Variants in PRMT2 observed in about 807,000 individuals in gnomAD.
PRMT2 encodes protein arginine N-methyltransferase 2.
In PRMT2, 26 loss-of-function variants were observed where a neutral mutation model predicts 57.6. That is an observed-to-expected ratio of 0.45 (90% CI 0.33 to 0.63). The LOEUF (loss-of-function observed/expected upper bound fraction) is 0.63, where lower values mean the gene tolerates loss of function less well. Ranked by LOEUF, PRMT2 falls within the 20% of genes least tolerant of loss-of-function variation. The pLI, the probability that PRMT2 is intolerant of heterozygous loss-of-function variation, is 0.02. For synonymous variants in PRMT2, 219 were observed against 220.0 expected, an observed-to-expected ratio of 1.00 and a Z score of 0.04; for missense variants, 472 against 564.4, an observed-to-expected ratio of 0.84 and a Z score of 1.66.
Position 46,664,612 on chromosome 21 carries a change from G to A in PRMT2, c.*285G>A, listed in dbSNP as rs913881763. 9.5e-6 allele frequency: 5 copies of A among 524,682 alleles called. No homozygotes were observed. The Admixed American group carries it at 9.6e-5, about 10-fold the overall frequency. 32.5% of individuals were successfully genotyped at this position (524,682 alleles called of 1,614,324 possible). A position where few individuals can be genotyped will look rare whatever the true frequency, so the allele number is the denominator to read the frequency against. ...GTGGTGCCCACAGTGCCGACCCGTG[G>A]CTGGGTCGGAGCTCCATGTTCCTAA... is the stretch of plus-strand genomic sequence containing the variant. On this transcript the variant is annotated 3_prime_UTR_variant, in exon 12 of 12. Transcript: ENST00000355680.
intron 9 of PRMT2, 63 bp downstream of exon 9, chr21:46,661,025 G>A: frequency 6.6e-7 from 1 of 1,515,786 alleles, no homozygotes; most frequent in Non-Finnish European, 8.9e-7. Flanking sequence ...ACTCAGACCA[G>A]AGCCTGGCTT....
At chr21:46,641,123 C>CAAAAAA (rs55728457) in intron 3 of PRMT2, among the ~76,000 whole-genome samples, 6 of 104,596 alleles carry the variant, frequency 5.7e-5, no homozygotes, top group African/African-American at 7.7e-5. Flanking sequence ...GACCTCATCT[C>CAAAAAA]AAAAAAAAAA....
Position 46,664,599 on chromosome 21 carries a change from G to T in PRMT2, c.*272G>T, listed in dbSNP as rs993708983. 1.8e-5 allele frequency: 10 copies of T among 550,362 alleles called. No homozygotes were observed. The highest frequency in any genetic ancestry group is 3.1e-5 in the Admixed American group (1 of 32,096). 34.1% of individuals were successfully genotyped at this position (550,362 alleles called of 1,614,324 possible). On this transcript the variant is annotated 3_prime_UTR_variant, in exon 12 of 12. Transcript: ENST00000355680. The stretch of plus-strand genomic sequence containing the variant: ...CAGGTGTTCACCCGTGGTGCCCACA[G>T]TGCCGACCCGTGGCTGGGTCGGAGC...
At position 46,664,455 on chromosome 21, in the gene PRMT2, TC is replaced by T; in HGVS notation, c.*131del. 1 of 1,228,800 alleles carries T rather than the reference TC, an allele frequency of 8.1e-7. No homozygotes were observed. The highest frequency in any genetic ancestry group is 1.2e-6 in the Non-Finnish European group (1 of 845,328). 76.1% of individuals were successfully genotyped at this position (1,228,800 alleles called of 1,614,324 possible). A position where few individuals can be genotyped will look rare whatever the true frequency, so the allele number is the denominator to read the frequency against. ...TGAACATTCACTCCACATTGACCCCTCCCTAGCCTGGCAGGTGACGTCAGGG... is the reference window on the plus strand; with the variant it reads ...TGAACATTCACTCCACATTGACCCCTCCTAGCCTGGCAGGTGACGTCAGGG... On this transcript the variant is annotated 3_prime_UTR_variant, in exon 12 of 12. Transcript: ENST00000355680.
chr21:46,662,596 A>G (rs747250563), intron 10 of PRMT2, among the ~76,000 whole-genome samples: 4 of 151,924 alleles, frequency 2.6e-5, no homozygotes, highest in African/African-American at 4.8e-5. Context: ...GGCCAGTTAT[A>G]CCCATCCCCG....
chr21:46,645,624 TGTTA>T (rs1407379167), intron 5 of PRMT2, among the ~76,000 whole-genome samples: 1 of 152,146 alleles, frequency 6.6e-6, no homozygotes, highest in Non-Finnish European at 1.5e-5. Flanking sequence ...ATAAAAATGA[TGTTA>T]GTTGAAAGAA....
At chr21:46,639,648 G>A (rs2061235186) in intron 3 of PRMT2, among the ~76,000 whole-genome samples, 1 of 140,382 alleles carries the variant, frequency 7.1e-6, no homozygotes, top group Admixed American at 7.0e-5. Context: ...TGCTAATATA[G>A]CTGTACCAGC....
At position 46,660,868 on chromosome 21, in the gene PRMT2, A is replaced by G; in HGVS notation, c.866A>G (p.Lys289Arg). The G allele has an allele frequency of 6.2e-7, 1 of 1,613,920 alleles. No individual in the cohort carries two copies. The highest frequency in any genetic ancestry group is 8.5e-7 in the Non-Finnish European group (1 of 1,179,810). The change falls in exon 9 of 12, where the codon AAG (lysine) becomes AGG (arginine). Residue 289 changes from lysine to arginine, a missense_variant. By Grantham distance (26) the Lys-to-Arg change is conservative (BLOSUM62 2). Around this residue, in one of 2 missense-constraint regions of PRMT2, gnomAD observed 229 missense variants for 217.2 expected, o/e 1.05. Transcript: ENST00000355680. ...GTTAAGGAGTTTTTTTCAAAGCCCA[A>G]GTATAACCACATTTTGAAACCAGAA... ...LAVKEFFSKP[K>R]YNHILKPEDC... is the part of the protein sequence containing the mutation.
rs2061467760 is a variant in PRMT2, at chr21:46,652,042, A to G, written c.654+2303A>G. On this transcript the variant is annotated intron_variant, in intron 7 of 11. Transcript: ENST00000355680. ...TAGTAAAAGTCTGAAGACAGAGAAG[A>G]GTGCATGTGCGTTTAGCATAGGAGG... 2.5e-6 allele frequency: 4 copies of G among 1,612,118 alleles called. No homozygotes were observed. The African/African-American group carries it at 4.0e-5, about 16-fold the overall frequency.
rs1332884085 is a variant in PRMT2, at chr21:46,648,759, C to T, written c.489+140C>T. ...CCATGGTCTTGTTGAGCACCCTGCA[C>T]GTGGGGCTCAGGGTCGGTAAAATAG... On this transcript the variant is annotated intron_variant, in intron 6 of 11. Transcript: ENST00000355680. The surrounding 1 kb of genome is among the most constrained non-coding windows in gnomAD (Gnocchi z 4.8). 24 of 1,118,138 alleles carry T rather than the reference C, an allele frequency of 2.1e-5. No individual in the cohort carries two copies. The highest frequency in any genetic ancestry group is 2.8e-5 in the Non-Finnish European group (22 of 785,154). The allele number at this position is 1,118,138 out of a possible 1,614,324, so 69.3% of individuals were successfully genotyped here. A position where few individuals can be genotyped will look rare whatever the true frequency, so the allele number is the denominator to read the frequency against.
intron 5 of PRMT2, among the ~76,000 whole-genome samples, chr21:46,647,641 A>G (rs1339351105): frequency 6.6e-6 from 1 of 152,242 alleles, no homozygotes; most frequent in African/African-American, 2.4e-5. Context: ...CTGGGATTAC[A>G]GGGGTGAGGC....
Position 46,660,906 on chromosome 21 carries a change from G to C in PRMT2, c.904G>C (p.Glu302Gln), listed in dbSNP as rs1317350544. 5 of 1,613,564 alleles carry C rather than the reference G, an allele frequency of 3.1e-6. No homozygotes were observed. The highest frequency in any genetic ancestry group is 3.3e-5 in the Admixed American group (2 of 60,008). ...HILKPEDCLS[E>Q]PCTILQLDMR... ...TTTGAAACCAGAAGACTGTCTCTCT[G>C]AACCGTGCACTATATTGCAGTTGGA... Residue 302 changes from glutamate (E) to glutamine (Q), a missense_variant, in exon 9 of 12, where the codon GAA (glutamate) becomes CAA (glutamine). Glu to Gln is a conservative substitution (Grantham distance 29). Transcript: ENST00000355680.
At chr21:46,662,468 C>T (rs1028494104) in intron 10 of PRMT2, among the ~76,000 whole-genome samples, 29 of 152,210 alleles carry the variant, frequency 1.9e-4, no homozygotes, top group African/African-American at 7.0e-4. Context: ...GGGACCCCGG[C>T]TCCAGGGAGG....
At chr21:46,642,066 T>C (rs913773859) in intron 3 of PRMT2, among the ~76,000 whole-genome samples, 1 of 152,184 alleles carries the variant, frequency 6.6e-6, no homozygotes, top group African/African-American at 2.4e-5. Context: ...TTGGTATCTA[T>C]TGAGTGAGAG....
chr21:46,664,515 G>C lies in PRMT2; in HGVS notation c.*188G>C. 1.4e-6 allele frequency: 1 copy of C among 713,486 alleles called. No individual in the cohort carries two copies. Among genetic ancestry groups the C allele is most frequent in the East Asian group, 2.7e-5 (1 of 36,742 alleles). 44.2% of individuals were successfully genotyped at this position (713,486 alleles called of 1,614,324 possible). On this transcript the variant is annotated 3_prime_UTR_variant, in exon 12 of 12. Transcript: ENST00000355680. ...AGACAAACACGCTTGGGCTCGGCAGGAGCTGCCGTGGCCACCCCCGCTGCC... is the reference window on the plus strand; with the variant it reads ...AGACAAACACGCTTGGGCTCGGCAGCAGCTGCCGTGGCCACCCCCGCTGCC...
Position 46,649,691 on chromosome 21 carries a change from C to G in PRMT2, c.606C>G (p.Pro202=), listed in dbSNP as rs148075005. The G allele has an allele frequency of 3.7e-5, 59 of 1,613,804 alleles. No individual in the cohort carries two copies. The highest frequency in any genetic ancestry group is 2.7e-4 in the Admixed American group (16 of 59,996). Residue 202 remains proline (P), a synonymous_variant, in exon 7 of 12, where the codon CCC becomes CCG. Transcript: ENST00000355680. The surrounding 1 kb of genome is among the most constrained non-coding windows in gnomAD (Gnocchi z 4.8). ...AGAAGGTGGAGGATGTGGTGCTGCCCGAGAAGGTGGACGTGCTGGTGTCTG... is the reference window on the plus strand; with the variant it reads ...AGAAGGTGGAGGATGTGGTGCTGCCGGAGAAGGTGGACGTGCTGGTGTCTG... ...YQQKVEDVVL[P]EKVDVLVSEW... is the part of the protein sequence containing the mutation.
intron 7 of PRMT2, chr21:46,652,795 TTTG>T: frequency 8.1e-7 from 1 of 1,227,106 alleles, no homozygotes; most frequent in Non-Finnish European, 1.1e-6. Context: ...TTTAATCATT[TTTG>T]TTAACAAAGC....
rs572605484 is a variant in PRMT2 at position 46,653,037 on chromosome 21, C to T, written c.654+3298C>T. On this transcript the variant is annotated intron_variant, in intron 7 of 11. Transcript: ENST00000355680. ...GGTAGAATTAAAAGACTGCCAGACT[C>T]AGTCTTACTGTTGTTAGTGTATTCG... 15 of 1,133,648 alleles carry T rather than the reference C, an allele frequency of 1.3e-5. No individual in the cohort carries two copies. In the Admixed American group the frequency reaches 6.3e-4, roughly 48 times the overall value. 70.2% of individuals were successfully genotyped at this position (1,133,648 alleles called of 1,614,324 possible).
chr21:46,639,911 C>T (rs938507402), intron 3 of PRMT2, among the ~76,000 whole-genome samples: 15 of 152,046 alleles, frequency 9.9e-5, no homozygotes, highest in African/African-American at 3.6e-4. Context: ...TAACATTTTG[C>T]TGTTTGTTTT....
Sources: gnomAD v4.1 joint callset for allele counts (sites outside exome capture counted in the v4.1 genomes callset) on GRCh38, gnomAD v4.1.1 for gene constraint, gnomAD v4.1.1 regional missense constraint, Gnocchi (gnomAD v3.1) non-coding constraint, MANE v1.5 for transcripts, NCBI Gene and HGNC (gene_info 2026-07-23, HGNC 2026-07-21) for gene names.